RAB3GAP2: variants seen among roughly 807,000 people sequenced by gnomAD.
RAB3GAP2 encodes rab3 GTPase-activating protein non-catalytic subunit.
In RAB3GAP2, 87 loss-of-function variants were observed where a neutral mutation model predicts 185.3. That is an observed-to-expected ratio of 0.47 (90% CI 0.39 to 0.56). RAB3GAP2 has a LOEUF of 0.56. Ranked by LOEUF, RAB3GAP2 falls within the 20% of genes least tolerant of loss-of-function variation. RAB3GAP2 has a pLI of 0.00. For synonymous variants in RAB3GAP2, 554 were observed against 576.1 expected (o/e 0.96, Z 0.55); for missense variants, 1,492 against 1,638.2 (o/e 0.91, Z 1.54).
At position 220,157,258 on chromosome 1, in the gene RAB3GAP2, T is replaced by G. The variant is rs1370592278; in HGVS notation, c.3555+12A>C. The stretch of plus-strand genomic sequence containing the variant: ...ACTCCAAAATAGCTCTGAAATCCTG[T>G]GAGGTACTTACCTTACTGTCAAAAA... On this transcript the variant is annotated intron_variant, in intron 31 of 34. Coordinates refer to ENST00000358951, the MANE Select transcript of RAB3GAP2 (RefSeq NM_012414.4). 6.2e-7 allele frequency: 1 copy of G among 1,606,066 alleles called. No individual in the cohort carries two copies. Among genetic ancestry groups the G allele is most frequent in the East Asian group, 2.2e-5 (1 of 44,824 alleles).
chr1:220,246,929 A>G (rs1683253543), intron 1 of RAB3GAP2, among the ~76,000 whole-genome samples: 1 of 151,998 alleles, frequency 6.6e-6, no homozygotes, highest in South Asian at 2.1e-4. Flanking sequence ...AAAAAGAAGA[A>G]AAAAAAAGTG....
chr1:220,184,743 A>T (rs1369897158), intron 18 of RAB3GAP2, among the ~76,000 whole-genome samples: 1 of 152,106 alleles, frequency 6.6e-6, no homozygotes, highest in African/African-American at 2.4e-5. Context: ...GTGGAAGATA[A>T]CTTTTCATTT....
At position 220,217,775 on chromosome 1, in the gene RAB3GAP2, T is replaced by C. The variant is rs41533848; in HGVS notation, c.181-3796A>G. ...TATATTCAGTCCTTAGTAATGTTTT[T>C]TCTTAAGTAATACTAAGATTTAATA... On this transcript the variant is annotated intron_variant, in intron 2 of 34. Transcript: ENST00000358951. 8.5e-3 allele frequency among the ~76,000 whole-genome samples: 1,302 copies of C among 152,366 alleles called. 4 individuals are homozygous for C. Among genetic ancestry groups the C allele is most frequent in the Middle Eastern group, 0.017 (5 of 294 alleles).
At chr1:220,256,372 C>T (rs1660031923) in intron 1 of RAB3GAP2, among the ~76,000 whole-genome samples, 1 of 152,172 alleles carries the variant, frequency 6.6e-6, no homozygotes, top group African/African-American at 2.4e-5. Flanking sequence ...AACCAGCTAG[C>T]ATCATGATGA....
chr1:220,222,000 T>G (rs1339860348), intron 2 of RAB3GAP2, among the ~76,000 whole-genome samples: 1 of 152,194 alleles, frequency 6.6e-6, no homozygotes, highest in Admixed American at 6.5e-5. Flanking sequence ...TTTGCTAACT[T>G]TCACAGATAT....
intron 1 of RAB3GAP2, among the ~76,000 whole-genome samples, chr1:220,256,377 T>C (rs1013420630): frequency 6.6e-6 from 1 of 152,184 alleles, no homozygotes; most frequent in Non-Finnish European, 1.5e-5. Context: ...GCTAGCATCA[T>C]GATGACAGGA....
At chr1:220,176,896 C>T (rs1256117064) in intron 21 of RAB3GAP2, among the ~76,000 whole-genome samples, 1 of 152,230 alleles carries the variant, frequency 6.6e-6, no homozygotes, top group Non-Finnish European at 1.5e-5. Context: ...AGTCTCAGCT[C>T]AAGCCCCTCC....
chr1:220,157,834 A>C lies in RAB3GAP2; in HGVS notation c.3304T>G (p.Ser1102Ala). 1 of 1,613,742 alleles carries C rather than the reference A, an allele frequency of 6.2e-7. No homozygotes were observed. Among genetic ancestry groups the C allele is most frequent in the African/African-American group, 1.3e-5 (1 of 75,048 alleles). ...AAGATCTGAAGAAGATCCAAACAGG[A>C]GCCGAGGAAAGATGTCATTGCTGTG... ...SDTAMTSFLG[S>A]CLDLLQILME... The change falls in exon 30 of 35, where the codon TCC becomes GCC. Residue 1102 changes from serine (S) to alanine (A), a missense_variant. Physicochemically the swap from Ser to Ala is moderately conservative, Grantham distance 99. Transcript: ENST00000358951.
Position 220,210,402 on chromosome 1 carries a change from C to G in RAB3GAP2, c.598G>C (p.Gly200Arg). Residue 200 changes from glycine (G) to arginine (R), a missense_variant, in exon 7 of 35, where the codon GGC (glycine) becomes CGC (arginine). Physicochemically the swap from Gly to Arg is moderately radical, Grantham distance 125. This residue lies in a region of RAB3GAP2 where 243 missense variants were observed against 314.8 expected (regional missense o/e 0.77). Coordinates refer to ENST00000358951, the MANE Select transcript of RAB3GAP2 (RefSeq NM_012414.4). The part of the protein sequence containing the change: ...CRTYEIPRHP[G>R]VTEQNEELSI... ...TTTTACACTACCTGCTCAGTCACGC[C>G]GGGATGTCGTGGTATTTCATAGGTT... The G allele has an allele frequency of 6.2e-7, 1 of 1,613,828 alleles. No individual in the cohort carries two copies. Among genetic ancestry groups the G allele is most frequent in the Non-Finnish European group, 8.5e-7 (1 of 1,179,728 alleles).
Position 220,195,297 on chromosome 1 carries a change from C to G in RAB3GAP2, c.1040+1G>C. The G allele has an allele frequency of 6.2e-7, 1 of 1,606,430 alleles. No homozygotes were observed. The highest frequency in any genetic ancestry group is 8.5e-7 in the Non-Finnish European group (1 of 1,173,094). On this transcript the variant is annotated splice_donor_variant, in intron 11 of 34. Transcript: ENST00000358951. LOFTEE classifies it high-confidence loss of function. ...TGTTATTTTAATTGTTAAGTAATTA[C>G]CTGGCAGCATTAAATAAAGCAGAAG...
intron 14 of RAB3GAP2, 141 bp downstream of exon 14, chr1:220,190,927 C>T (rs919836269): frequency 1.3e-5 from 11 of 833,484 alleles, no homozygotes; most frequent in Non-Finnish European, 2.0e-5. Flanking sequence ...ATGCCAGGCA[C>T]TCACAGGAAA....
At chr1:220,214,342 A>G (rs184349165) in intron 2 of RAB3GAP2, among the ~76,000 whole-genome samples, 31 of 152,342 alleles carry the variant, frequency 2.0e-4, no homozygotes, top group African/African-American at 7.5e-4. Flanking sequence ...CCTGGCCCAC[A>G]TGGTGAAATC....
intron 4 of RAB3GAP2, among the ~76,000 whole-genome samples, chr1:220,211,837 CA>C (rs1659090265): frequency 6.6e-6 from 1 of 152,168 alleles, no homozygotes; most frequent in Non-Finnish European, 1.5e-5. Context: ...GCATTTCTGA[CA>C]GAGATCAAAT....
chr1:220,234,984 G>A (rs1290248121), intron 1 of RAB3GAP2, among the ~76,000 whole-genome samples: 1 of 152,126 alleles, frequency 6.6e-6, no homozygotes, highest in Non-Finnish European at 1.5e-5. Context: ...ATTTTACAAT[G>A]AGAAAACAGA....
intron 1 of RAB3GAP2, chr1:220,266,610 G>A (rs1202942393): frequency 4.6e-6 from 5 of 1,083,042 alleles, no homozygotes; most frequent in African/African-American, 1.6e-5. Flanking sequence ...TCTAGATTGA[G>A]GGCAGCAGTC....
chr1:220,213,416 C>T (rs1381452542), intron 3 of RAB3GAP2, among the ~76,000 whole-genome samples: 1 of 151,892 alleles, frequency 6.6e-6, no homozygotes, highest in Non-Finnish European at 1.5e-5. Flanking sequence ...ATGAAAAAAA[C>T]CTCAATTTTA....
At chr1:220,253,692 A>G (rs1659980806) in intron 1 of RAB3GAP2, 13 of 1,608,400 alleles carry the variant, frequency 8.1e-6, no homozygotes, top group Non-Finnish European at 6.8e-6. Context: ...AACAAGTGAA[A>G]TACTTCATAC....
rs577295268 is a variant in RAB3GAP2 at position 220,261,778 on chromosome 1, C to T, written c.115+10445G>A. On this transcript the variant is annotated intron_variant, in intron 1 of 34. Transcript: ENST00000358951. ...TTTTTGCTACACTTTTACTTAAAAC[C>T]ATCAATGGCTACCCTCTGCCCATAG... Among the ~76,000 whole-genome samples the T allele has an allele frequency of 2.6e-5, 4 of 152,218 alleles. No homozygotes were observed. In the South Asian group the frequency reaches 8.3e-4, roughly 32 times the overall value.
chr1:220,184,054 G>A lies in RAB3GAP2; in HGVS notation c.1980C>T (p.Asp660=). Residue 660 remains aspartate, a synonymous_variant, in exon 19 of 35, where the codon GAC becomes GAT. Transcript: ENST00000358951. ...TACTCACATTATCAGAGAATGGTGT[G>A]TCTAAATGAAAATCAAGGGAATTTA... ...SQLNSLDFHL[D]TPFSDNDLAL... The A allele has an allele frequency of 4.4e-6, 7 of 1,581,228 alleles. No individual in the cohort carries two copies. Among genetic ancestry groups the A allele is most frequent in the Non-Finnish European group, 6.1e-6 (7 of 1,151,798 alleles).
Sources: gnomAD v4.1 joint callset for allele counts (sites outside exome capture counted in the v4.1 genomes callset) on GRCh38, gnomAD v4.1.1 for gene constraint, gnomAD v4.1.1 regional missense constraint, MANE v1.5 for transcripts, NCBI Gene and HGNC (gene_info 2026-07-23, HGNC 2026-07-21) for gene names.